The following HEATR5B variants were observed in gnomAD, a reference collection of about 807,000 sequenced individuals.
The protein encoded by HEATR5B is HEAT repeat containing 5B.
In HEATR5B, 156 loss-of-function variants were observed where a neutral mutation model predicts 224.1. That is an observed-to-expected ratio of 0.70 (90% CI 0.61 to 0.80). HEATR5B has a LOEUF of 0.80. Ranked by LOEUF, HEATR5B falls within the 30% of genes least tolerant of loss-of-function variation. The probability of loss-of-function intolerance (pLI) is 0.00; values close to 1 mark genes in which losing one functional copy is unlikely to be tolerated. For synonymous variants in HEATR5B, 1,027 were observed against 893.0 expected, an observed-to-expected ratio of 1.15 and a Z score of -2.68; for missense variants, 2,323 against 2,535.5, an observed-to-expected ratio of 0.92 and a Z score of 1.80.
intron 14 of HEATR5B, among the ~76,000 whole-genome samples, chr2:37,058,202 T>G (rs939496061): frequency 1.3e-5 from 2 of 152,132 alleles, no homozygotes; most frequent in Non-Finnish European, 2.9e-5. Flanking sequence ...CTGAGATTCT[T>G]CATCTATAAA....
At chr2:36,984,215 A>AAAAAAAAAAAAAAAAAAATATATATATAT in intron 35 of HEATR5B, among the ~76,000 whole-genome samples, 4 of 77,636 alleles carry the variant, frequency 5.2e-5, no homozygotes, top group Non-Finnish European at 6.9e-5. Context: ...AAAAAAAAAA[A>AAAAAAAAAAAAAAAAAAATATATATATAT]ATATATATAT....
chr2:37,002,219 G>A lies in HEATR5B; in HGVS notation c.5317+87C>T. The A allele has an allele frequency of 2.8e-6, 4 of 1,408,468 alleles. No homozygotes were observed. In the South Asian group the frequency reaches 3.8e-5, roughly 13 times the overall value. 87.2% of individuals were successfully genotyped at this position (1,408,468 alleles called of 1,614,324 possible). On this transcript the variant is annotated intron_variant, in intron 32 of 35. Transcript: ENST00000233099. The stretch of plus-strand genomic sequence containing the variant: ...TTCACTTGAGATTTAAGAGGAAACT[G>A]GGTTATAACAGTGCTTAAAATCAAA...
intron 3 of HEATR5B, 91 bp downstream of exon 3, chr2:37,079,029 C>A (rs9631047): frequency 0.029 from 21,034 of 720,596 alleles, 366 homozygotes; most frequent in Middle Eastern, 0.043. Flanking sequence ...GTTCCACCCA[C>A]CTGGGGGTTT....
At chr2:37,072,338 G>C (rs978910185) in intron 5 of HEATR5B, 57 bp from the exon 6 acceptor site, 2 of 1,249,664 alleles carry the variant, frequency 1.6e-6, no homozygotes, top group African/African-American at 3.0e-5. Flanking sequence ...TCCAGAGATG[G>C]AATAGCAAGA....
At chr2:37,045,942 C>A (rs372675486) in intron 18 of HEATR5B, among the ~76,000 whole-genome samples, 1 of 152,150 alleles carries the variant, frequency 6.6e-6, no homozygotes, top group Non-Finnish European at 1.5e-5. Context: ...ATTTAAGACA[C>A]AAGGGTAAAT....
At chr2:37,032,514 A>G in intron 22 of HEATR5B, 115 bp downstream of exon 22, 1 of 872,878 alleles carries the variant, frequency 1.1e-6, no homozygotes, top group Non-Finnish European at 1.7e-6. Context: ...TTTTATTTCA[A>G]AGAATAAGAC....
chr2:37,019,672 A>G, intron 26 of HEATR5B, 137 bp downstream of exon 26: 1 of 589,754 alleles, frequency 1.7e-6, no homozygotes, highest in South Asian at 2.1e-5. Context: ...GGCCAGGCTG[A>G]TCTCAAACTC....
At chr2:37,038,448 T>C (rs1485898661) in intron 20 of HEATR5B, among the ~76,000 whole-genome samples, 4 of 152,208 alleles carry the variant, frequency 2.6e-5, no homozygotes, top group African/African-American at 9.6e-5. Context: ...CCTATATGCC[T>C]ATCTTTAAAT....
intron 24 of HEATR5B, among the ~76,000 whole-genome samples, chr2:37,021,865 T>C (rs893030543): frequency 2.1e-5 from 3 of 141,886 alleles, no homozygotes; most frequent in African/African-American, 8.1e-5. Context: ...CCAGCCTGGG[T>C]GACAAAGTGA....
chr2:37,068,512 A>G (rs1238052620), intron 8 of HEATR5B, among the ~76,000 whole-genome samples, 169 bp downstream of exon 8: 1 of 152,146 alleles, frequency 6.6e-6, no homozygotes, highest in Admixed American at 6.5e-5. Flanking sequence ...TAAAAACTCT[A>G]TTTCACTGTA....
chr2:36,999,665 T>C (rs1666957342), intron 33 of HEATR5B, among the ~76,000 whole-genome samples: 1 of 149,834 alleles, frequency 6.7e-6, no homozygotes, highest in South Asian at 2.1e-4. Flanking sequence ...GGCAACACAG[T>C]GAGACCCTGT....
intron 34 of HEATR5B, among the ~76,000 whole-genome samples, chr2:36,989,649 T>G (rs1558694507): frequency 6.6e-6 from 1 of 152,084 alleles, no homozygotes; most frequent in Non-Finnish European, 1.5e-5. Flanking sequence ...CCACTTTGTA[T>G]TAGAAAGGCT....
chr2:37,079,378 TG>T (rs1474832424), intron 2 of HEATR5B, 47 bp from the exon 3 acceptor site: 1 of 1,031,780 alleles, frequency 9.7e-7, no homozygotes, highest in African/African-American at 1.6e-5. Flanking sequence ...AAATTTTTTT[TG>T]TTACCTTTTA....
rs1400966678 is a variant in HEATR5B, at chr2:37,002,327, G to T, written c.5296C>A (p.Pro1766Thr). ...AATVTILSDL[P>T]SLCSPAGCMT... is the part of the protein sequence containing the mutation. The stretch of plus-strand genomic sequence containing the variant: ...GTACCAGCGGGTGAACAAAGGGATG[G>T]TAAATCAGAGAGTATGGTAACTGTG... Residue 1766 changes from proline (P) to threonine (T), a missense_variant, in exon 32 of 36, where the codon CCA (proline) becomes ACA (threonine). Transcript: ENST00000233099. The T allele has an allele frequency of 6.2e-7, 1 of 1,614,200 alleles. No homozygotes were observed. Among genetic ancestry groups the T allele is most frequent in the Admixed American group, 1.7e-5 (1 of 60,026 alleles).
chr2:37,049,753 G>T lies in HEATR5B; in HGVS notation c.2596C>A (p.Pro866Thr), dbSNP rs368719453. The T allele has an allele frequency of 1.1e-5, 17 of 1,612,434 alleles. No individual in the cohort carries two copies. The African/African-American group carries it at 1.9e-4, about 18-fold the overall frequency. Residue 866 changes from proline to threonine, a missense_variant, in exon 18 of 36, where the codon CCC (proline) becomes ACC (threonine). Pro to Thr is a conservative substitution (Grantham distance 38). Coordinates refer to ENST00000233099, the MANE Select transcript of HEATR5B (RefSeq NM_019024.3). ...LVMGPLDNPNPILRCAAGEAL... is the reference protein window; with the variant it reads ...LVMGPLDNPNTILRCAAGEAL... ...TCCCCCGCTGCACAACGTAAGATGG[G>T]GTTTGGGTTGTCCAGAGGACCCATA...
chr2:37,072,451 G>GA (rs1671963559), intron 5 of HEATR5B, among the ~76,000 whole-genome samples, 170 bp from the exon 6 acceptor site: 1 of 152,050 alleles, frequency 6.6e-6, no homozygotes, highest in Admixed American at 6.6e-5. Context: ...CATCTTTGAG[G>GA]AAAAAAACAA....
chr2:36,994,370 G>C (rs967521315), intron 33 of HEATR5B, among the ~76,000 whole-genome samples: 1 of 152,110 alleles, frequency 6.6e-6, no homozygotes, highest in Non-Finnish European at 1.5e-5. Context: ...ATTTTTGTAC[G>C]TTTGTACATG....
At chr2:37,021,749 T>C (rs532727748) in intron 24 of HEATR5B, among the ~76,000 whole-genome samples, 33 of 152,092 alleles carry the variant, frequency 2.2e-4, no homozygotes, top group Non-Finnish European at 4.0e-4. Context: ...TAGCTGGGCA[T>C]GGTGGCGTGG....
chr2:37,009,110 T>C (rs1481046388), intron 27 of HEATR5B, among the ~76,000 whole-genome samples: 2 of 151,506 alleles, frequency 1.3e-5, no homozygotes, highest in Admixed American at 1.3e-4. Flanking sequence ...ATACAAAAAT[T>C]AGCCGGGCAT....
Sources: allele counts gnomAD v4.1 joint callset (sites outside exome capture counted in the v4.1 genomes callset), GRCh38; gene constraint gnomAD v4.1.1; transcripts MANE v1.5; gene names NCBI Gene and HGNC (gene_info 2026-07-23, HGNC 2026-07-21).